The following EYA1 variants were observed in gnomAD, a reference collection of about 807,000 sequenced individuals.
EYA1 encodes protein phosphatase EYA1.
A neutral mutation model predicts 82.0 loss-of-function variants in EYA1; 16 were observed. The ratio of observed to expected loss-of-function variants is 0.20; its 90% CI spans 0.13 to 0.30. The LOEUF is 0.30. EYA1 is among the 10% of genes least tolerant of loss of function. The probability of loss-of-function intolerance (pLI) is 1.00; values close to 1 mark genes in which losing one functional copy is unlikely to be tolerated. For missense variants in EYA1, 633 were observed against 730.7 expected (o/e 0.87, Z 1.54); for synonymous variants, 261 against 264.4 (o/e 0.99, Z 0.12).
At chr8:71,479,045 C>T (rs1231098476) in intron 2 of EYA1, among the ~76,000 whole-genome samples, 1 of 152,116 alleles carries the variant, frequency 6.6e-6, no homozygotes, top group African/African-American at 2.4e-5. Flanking sequence ...CAAACAAAAG[C>T]CTTAACCAGG....
At chr8:71,368,877 A>T (rs1827914513) in intron 2 of EYA1, among the ~76,000 whole-genome samples, 2 of 152,000 alleles carry the variant, frequency 1.3e-5, no homozygotes, top group African/African-American at 4.8e-5. Context: ...AGGAAAAAAA[A>T]TTAGACATTT....
chr8:71,331,668 T>G (rs1399002442), intron 4 of EYA1, among the ~76,000 whole-genome samples: 2 of 152,120 alleles, frequency 1.3e-5, no homozygotes, highest in Non-Finnish European at 2.9e-5. Context: ...AAAACTGTGA[T>G]TATACTGAAA....
chr8:71,408,687 T>G (rs938454209), intron 2 of EYA1, among the ~76,000 whole-genome samples: 1 of 118,128 alleles, frequency 8.5e-6, no homozygotes, highest in African/African-American at 3.5e-5. Context: ...CCTAAATATA[T>G]ATGCACCCAA....
At chr8:71,484,426 T>C (rs1268604280) in intron 2 of EYA1, among the ~76,000 whole-genome samples, 1 of 152,186 alleles carries the variant, frequency 6.6e-6, no homozygotes, top group Non-Finnish European at 1.5e-5. Context: ...GTAACCCACC[T>C]CAAAGTGTTG....
At chr8:71,372,632 G>A (rs1156648164) in intron 2 of EYA1, among the ~76,000 whole-genome samples, 2 of 152,030 alleles carry the variant, frequency 1.3e-5, no homozygotes, top group Non-Finnish European at 2.9e-5. Flanking sequence ...AAGGCTCCAG[G>A]AACACTTTCA....
chr8:71,432,753 T>C (rs2129162522), intron 2 of EYA1, among the ~76,000 whole-genome samples: 1 of 152,284 alleles, frequency 6.6e-6, no homozygotes, highest in Middle Eastern at 3.4e-3. Context: ...CTTCAATATA[T>C]CAATTTTGGG....
intron 2 of EYA1, among the ~76,000 whole-genome samples, chr8:71,513,966 A>T (rs1057059069): frequency 6.6e-6 from 1 of 152,144 alleles, no homozygotes; most frequent in Non-Finnish European, 1.5e-5. Context: ...AAGATCTCTC[A>T]TTCCTTTTTA....
chr8:71,521,831 CAGTT>C (rs1357021443), intron 2 of EYA1, among the ~76,000 whole-genome samples: 1 of 152,118 alleles, frequency 6.6e-6, no homozygotes, highest in African/African-American at 2.4e-5. Context: ...ACTAAGTAAT[CAGTT>C]AGATAGCCCA....
At chr8:71,245,004 G>T (rs1289079654) in intron 11 of EYA1, among the ~76,000 whole-genome samples, 4 of 152,164 alleles carry the variant, frequency 2.6e-5, no homozygotes, top group African/African-American at 9.6e-5. Context: ...AACTTTTTAT[G>T]TCTATTTCAG....
intron 7 of EYA1, among the ~76,000 whole-genome samples, chr8:71,317,241 T>A (rs558073808): frequency 6.6e-6 from 1 of 152,354 alleles, no homozygotes; most frequent in South Asian, 2.1e-4. Flanking sequence ...CGTGGCTGAC[T>A]TTTGACTTTT....
chr8:71,297,837 CTGAA>C (rs998896970), intron 9 of EYA1, among the ~76,000 whole-genome samples: 2 of 152,000 alleles, frequency 1.3e-5, no homozygotes, highest in African/African-American at 4.8e-5. Context: ...CACATGTAAA[CTGAA>C]TGAGGAATCA....
rs372409245 is a variant in EYA1 at position 71,339,528 on chromosome 8, C to T, written c.125-5354G>A. Among the ~76,000 whole-genome samples, 8 of 151,888 alleles carry T rather than the reference C, an allele frequency of 5.3e-5. 1 individual carries two copies. The highest frequency in any genetic ancestry group is 1.9e-4 in the East Asian group (1 of 5,160). ...GTTTTTTCCACGTTCCTTACGCTCC[C>T]GAGACATACCTCATCCCTCACCATC... On this transcript the variant is annotated intron_variant, in intron 3 of 17. Transcript: ENST00000340726.
At chr8:71,483,039 T>A (rs1810291517) in intron 2 of EYA1, among the ~76,000 whole-genome samples, 2 of 152,198 alleles carry the variant, frequency 1.3e-5, no homozygotes, top group Non-Finnish European at 1.5e-5. Flanking sequence ...ATAATCCAGA[T>A]CATGACAGAC....
intron 3 of EYA1, among the ~76,000 whole-genome samples, chr8:71,342,188 C>T (rs1825213445): frequency 6.6e-6 from 1 of 152,150 alleles, no homozygotes. Context: ...ACCATATCAG[C>T]CCCTTGCTCA....
intron 2 of EYA1, among the ~76,000 whole-genome samples, chr8:71,462,875 T>C (rs1403924398): frequency 6.6e-6 from 1 of 152,178 alleles, no homozygotes; most frequent in Non-Finnish European, 1.5e-5. Flanking sequence ...CTGGCACCAT[T>C]GGCTGCACCT....
chr8:71,201,720 CTACT>C (rs1296471852), intron 17 of EYA1, among the ~76,000 whole-genome samples: 2 of 152,080 alleles, frequency 1.3e-5, no homozygotes, highest in African/African-American at 2.4e-5. Context: ...ACTCATTTTA[CTACT>C]TAATCTCAAA....
intron 2 of EYA1, among the ~76,000 whole-genome samples, chr8:71,392,154 A>G (rs1024535607): frequency 6.6e-6 from 1 of 152,150 alleles, no homozygotes; most frequent in Non-Finnish European, 1.5e-5. Context: ...AATTTCTCTA[A>G]GTTTTAGTGG....
intron 4 of EYA1, among the ~76,000 whole-genome samples, chr8:71,324,888 C>A (rs1201573778): frequency 6.6e-6 from 1 of 152,150 alleles, no homozygotes; most frequent in Non-Finnish European, 1.5e-5. Flanking sequence ...TGGTTTAGGT[C>A]CCAATAATGA....
In EYA1 at chr8:71,344,573, C is replaced by T. The variant is rs6999763; in HGVS notation, c.124+10209G>A. ...CATAGTCCATGATCACACAGTTTCA[C>T]GTTTCTTTAATTGCCATATCTTTTG... On this transcript the variant is annotated intron_variant, in intron 3 of 17. Transcript: ENST00000340726. Among the ~76,000 whole-genome samples, 354 of 152,286 alleles carry T rather than the reference C, an allele frequency of 2.3e-3. 2 individuals are homozygous for T. The highest frequency in any genetic ancestry group is 7.4e-3 in the African/African-American group (308 of 41,562).
Sources: gnomAD v4.1 joint callset for allele counts (sites outside exome capture counted in the v4.1 genomes callset) on GRCh38, gnomAD v4.1.1 for gene constraint, MANE v1.5 for transcripts, NCBI Gene and HGNC (gene_info 2026-07-23, HGNC 2026-07-21) for gene names.